TRAPPC10: variants seen among roughly 807,000 people sequenced by gnomAD.
The protein encoded by TRAPPC10 is TRAPP 130 kDa subunit.
In TRAPPC10, 23 loss-of-function variants were observed where a neutral mutation model predicts 125.5. The ratio of observed to expected loss-of-function variants is 0.18; its 90% CI spans 0.13 to 0.26. The LOEUF (loss-of-function observed/expected upper bound fraction) is 0.26, where lower values mean the gene tolerates loss of function less well. Ranked by LOEUF, TRAPPC10 falls within the 10% of genes least tolerant of loss-of-function variation. The probability of loss-of-function intolerance (pLI) is 1.00; values close to 1 mark genes in which losing one functional copy is unlikely to be tolerated. For synonymous variants in TRAPPC10, 509 were observed against 518.0 expected (o/e 0.98, Z 0.24); for missense variants, 1,123 against 1,308.4 (o/e 0.86, Z 2.19).
chr21:44,091,330 A>C (rs1350102244), intron 18 of TRAPPC10, among the ~76,000 whole-genome samples: 1 of 152,228 alleles, frequency 6.6e-6, no homozygotes, highest in East Asian at 1.9e-4. Flanking sequence ...GGCTCCCCAA[A>C]GGCCAGTGAG....
chr21:44,019,370 T>G (rs1370715007), intron 1 of TRAPPC10, among the ~76,000 whole-genome samples: 1 of 152,126 alleles, frequency 6.6e-6, no homozygotes, highest in African/African-American at 2.4e-5. Context: ...TCTTAAACAG[T>G]CAAAACATTC....
chr21:44,043,358 C>T (rs558348160), intron 3 of TRAPPC10, among the ~76,000 whole-genome samples: 37 of 151,702 alleles, frequency 2.4e-4, no homozygotes, highest in African/African-American at 6.5e-4. Context: ...GGACTACAGG[C>T]GCCCACCACC....
chr21:44,053,897 G>C (rs1489442055), intron 4 of TRAPPC10, among the ~76,000 whole-genome samples: 1 of 147,070 alleles, frequency 6.8e-6, no homozygotes, highest in Admixed American at 6.7e-5. Flanking sequence ...CTTCTGAAGT[G>C]TAGTTCTTTT....
intron 3 of TRAPPC10, among the ~76,000 whole-genome samples, chr21:44,039,088 T>C (rs1172090801): frequency 6.6e-6 from 1 of 152,200 alleles, no homozygotes; most frequent in East Asian, 1.9e-4. Context: ...AGTTGTCCGG[T>C]TCCTCCCTGG....
At chr21:44,036,292 C>G (rs1164542443) in intron 2 of TRAPPC10, among the ~76,000 whole-genome samples, 1 of 152,254 alleles carries the variant, frequency 6.6e-6, no homozygotes, top group East Asian at 1.9e-4. Context: ...AGCCTCCCCA[C>G]AGTCCTGAGG....
chr21:44,047,963 G>A (rs2034972525), intron 3 of TRAPPC10, among the ~76,000 whole-genome samples: 1 of 152,134 alleles, frequency 6.6e-6, no homozygotes, highest in Non-Finnish European at 1.5e-5. Context: ...TGATTTGATA[G>A]GTCTGGAGCA....
intron 7 of TRAPPC10, among the ~76,000 whole-genome samples, chr21:44,072,073 T>G (rs1431802860): frequency 6.6e-6 from 1 of 152,256 alleles, no homozygotes; most frequent in Non-Finnish European, 1.5e-5. Context: ...GCTGCTACTT[T>G]TTTAATACTG....
At chr21:44,037,702 A>T (rs2034092330) in intron 2 of TRAPPC10, 90 bp from the exon 3 acceptor site, 2 of 1,440,994 alleles carry the variant, frequency 1.4e-6, no homozygotes, top group South Asian at 2.6e-5. Flanking sequence ...GAACTCATGC[A>T]TACCATTACA....
At chr21:44,083,588 C>T (rs2037912918) in intron 14 of TRAPPC10, among the ~76,000 whole-genome samples, 1 of 152,226 alleles carries the variant, frequency 6.6e-6, no homozygotes, top group Non-Finnish European at 1.5e-5. Context: ...GCTTTCCCCC[C>T]TGCATATGAA....
At chr21:44,050,775 G>T (rs2035179562) in intron 3 of TRAPPC10, among the ~76,000 whole-genome samples, 1 of 152,222 alleles carries the variant, frequency 6.6e-6, no homozygotes, top group Admixed American at 6.5e-5. Context: ...TTTTCAGATT[G>T]TATGATATTT....
chr21:44,084,728 C>G (rs2038010143), intron 15 of TRAPPC10, among the ~76,000 whole-genome samples: 1 of 152,192 alleles, frequency 6.6e-6, no homozygotes, highest in South Asian at 2.1e-4. Flanking sequence ...GACAGTCCCC[C>G]CCTTCCCATG....
chr21:44,072,926 G>C (rs904890321), intron 7 of TRAPPC10, among the ~76,000 whole-genome samples: 1 of 152,196 alleles, frequency 6.6e-6, no homozygotes, highest in Non-Finnish European at 1.5e-5. Flanking sequence ...GGTGCGGTCA[G>C]CCCGCTCCAG....
chr21:44,013,204 C>A (rs139141905), intron 1 of TRAPPC10, among the ~76,000 whole-genome samples: 1 of 152,232 alleles, frequency 6.6e-6, no homozygotes, highest in African/African-American at 2.4e-5. Context: ...CACCTGGTGC[C>A]TCTTGGGTGT....
At chr21:44,015,351 C>G (rs910896519) in intron 1 of TRAPPC10, among the ~76,000 whole-genome samples, 1 of 152,058 alleles carries the variant, frequency 6.6e-6, no homozygotes, top group African/African-American at 2.4e-5. Flanking sequence ...TGAAAAGTTC[C>G]CAAAGATTAA....
In TRAPPC10 at chr21:44,032,379, C is replaced by CTTTT. The variant is rs1200011844; in HGVS notation, c.149+225_149+228dup. Among the ~76,000 whole-genome samples the CTTTT allele has an allele frequency of 8.2e-4, 89 of 108,434 alleles. 1 individual carries two copies. Among genetic ancestry groups the CTTTT allele is most frequent in the Admixed American group, 1.2e-3 (12 of 9,606 alleles). 71.1% of individuals were successfully genotyped at this position (108,434 alleles called of 152,430 possible). A position where few individuals can be genotyped will look rare whatever the true frequency, so the allele number is the denominator to read the frequency against. On this transcript the variant is annotated intron_variant, in intron 2 of 22. Coordinates refer to ENST00000291574, the MANE Select transcript of TRAPPC10 (RefSeq NM_003274.5). ...ATTCTTTATGGAATGCCATGGTTTT[C>CTTTT]TTTTTTTTTTTTTTTTTTTTTGAGA... is the stretch of plus-strand genomic sequence containing the variant.
intron 1 of TRAPPC10, among the ~76,000 whole-genome samples, chr21:44,019,234 G>T (rs1244987281): frequency 6.6e-6 from 1 of 152,134 alleles, no homozygotes; most frequent in Non-Finnish European, 1.5e-5. Flanking sequence ...ATTTTCAGTA[G>T]AGATGGGGTT....
At chr21:44,013,073 C>A (rs1380149819) in intron 1 of TRAPPC10, among the ~76,000 whole-genome samples, 1 of 152,196 alleles carries the variant, frequency 6.6e-6, no homozygotes, top group African/African-American at 2.4e-5. Context: ...GGACTGCTTT[C>A]GCTCCTACAC....
intron 20 of TRAPPC10, among the ~76,000 whole-genome samples, chr21:44,094,654 A>G (rs983763935): frequency 2.0e-5 from 3 of 152,234 alleles, no homozygotes; most frequent in South Asian, 2.1e-4. Flanking sequence ...CTAGCTGAGT[A>G]TTGTGAAGAT....
chr21:44,064,423 G>A (rs560827629), intron 7 of TRAPPC10, among the ~76,000 whole-genome samples: 8 of 151,978 alleles, frequency 5.3e-5, no homozygotes, highest in African/African-American at 1.7e-4. Flanking sequence ...ATAGAACCAC[G>A]GACATTGTAG....
Sources: allele counts gnomAD v4.1 joint callset (sites outside exome capture counted in the v4.1 genomes callset), GRCh38; gene constraint gnomAD v4.1.1; transcripts MANE v1.5; gene names NCBI Gene and HGNC (gene_info 2026-07-23, HGNC 2026-07-21).